The following SEC24D variants were observed in gnomAD, a reference collection of about 807,000 sequenced individuals.
The protein encoded by SEC24D is SEC24 homolog D, COPII component.
In SEC24D, 69 loss-of-function variants were observed where a neutral mutation model predicts 116.9. The ratio of observed to expected loss-of-function variants is 0.59; its 90% CI spans 0.49 to 0.72. SEC24D has a LOEUF of 0.72. SEC24D is among the 30% of genes least tolerant of loss of function. The pLI, the probability that SEC24D is intolerant of heterozygous loss-of-function variation, is 0.00. For missense variants in SEC24D, 1,131 were observed against 1,264.1 expected (o/e 0.89, Z 1.60); for synonymous variants, 405 against 442.8 (o/e 0.91, Z 1.07).
At chr4:118,765,006 GGAGT>G in intron 9 of SEC24D, 89 bp from the exon 10 acceptor site, 1 of 738,952 alleles carries the variant, frequency 1.4e-6, no homozygotes, top group Non-Finnish European at 2.4e-6. Context: ...TGAGAGGAAA[GGAGT>G]TAGTATCTGG....
At position 118,830,632 on chromosome 4, in the gene SEC24D, T is replaced by G. The variant is rs572156134; in HGVS notation, c.118+2947A>C. Among the ~76,000 whole-genome samples the G allele has an allele frequency of 4.0e-5, 6 of 151,898 alleles. No homozygotes were observed. In the South Asian group the frequency reaches 1.2e-3, roughly 32 times the overall value. On this transcript the variant is annotated intron_variant, in intron 2 of 22. Transcript: ENST00000280551. ...ATATATATGTATATATAATTTTTTA[T>G]TTGCCAATTAAAATTTTTTTTTTTA...
chr4:118,826,046 A>G (rs979113006), intron 2 of SEC24D, among the ~76,000 whole-genome samples: 1 of 151,844 alleles, frequency 6.6e-6, no homozygotes, highest in Admixed American at 6.6e-5. Context: ...GGTCTTCATG[A>G]ATAATATTGA....
intron 7 of SEC24D, among the ~76,000 whole-genome samples, chr4:118,803,332 A>C (rs1729532047): frequency 6.6e-6 from 1 of 152,240 alleles, no homozygotes; most frequent in Non-Finnish European, 1.5e-5. Context: ...AGCTATGCAC[A>C]TGCTGTTACT....
intron 9 of SEC24D, among the ~76,000 whole-genome samples, chr4:118,767,290 A>G (rs922645729): frequency 4.6e-5 from 7 of 152,220 alleles, no homozygotes; most frequent in African/African-American, 1.4e-4. Context: ...GAATGTAATG[A>G]TGTAGGAGGA....
chr4:118,833,741 C>T lies in SEC24D; in HGVS notation c.-41-4G>A. ...AGGATAATTCTACAAAAGAAGTCTG[C>T]AACAGAGAAACAAGAAACATGTTAC... is the stretch of plus-strand genomic sequence containing the variant. On this transcript the variant is annotated splice_region_variant and splice_polypyrimidine_tract_variant and intron_variant, in intron 1 of 22. Coordinates refer to ENST00000280551, the MANE Select transcript of SEC24D (RefSeq NM_014822.4). The T allele has an allele frequency of 7.4e-7, 1 of 1,354,682 alleles. No individual in the cohort carries two copies. The highest frequency in any genetic ancestry group is 1.0e-6 in the Non-Finnish European group (1 of 961,464). The allele number at this position is 1,354,682 out of a possible 1,614,324, so 83.9% of individuals were successfully genotyped here. A position where few individuals can be genotyped will look rare whatever the true frequency, so the allele number is the denominator to read the frequency against.
intron 3 of SEC24D, among the ~76,000 whole-genome samples, chr4:118,821,713 A>AT (rs1333975227): frequency 6.6e-6 from 1 of 151,712 alleles, no homozygotes; most frequent in East Asian, 1.9e-4. Context: ...AAGAAGAGTC[A>AT]TATGCCATCT....
At chr4:118,826,606 C>CTT (rs199828904) in intron 2 of SEC24D, among the ~76,000 whole-genome samples, 1 of 146,870 alleles carries the variant, frequency 6.8e-6, no homozygotes, top group African/African-American at 2.5e-5. Flanking sequence ...CGAAAATATT[C>CTT]TTTTTTTTTT....
intron 3 of SEC24D, among the ~76,000 whole-genome samples, chr4:118,823,893 G>A (rs1051372309): frequency 7.9e-5 from 12 of 152,096 alleles, no homozygotes; most frequent in African/African-American, 2.2e-4. Flanking sequence ...ACCCATTGGC[G>A]ACAATCCGAT....
Position 118,744,254 on chromosome 4 carries a change from A to C in SEC24D, c.1825-96T>G, listed in dbSNP as rs936353060. 3.3e-6 allele frequency: 4 copies of C among 1,218,746 alleles called. No individual in the cohort carries two copies. In the African/African-American group the frequency reaches 6.2e-5, roughly 19 times the overall value. 75.5% of individuals were successfully genotyped at this position (1,218,746 alleles called of 1,614,324 possible). On this transcript the variant is annotated intron_variant, in intron 14 of 22. Coordinates refer to ENST00000280551, the MANE Select transcript of SEC24D (RefSeq NM_014822.4). Reference sequence around the variant, plus strand: ...CTATTGAATTCTTATTGAATTTTCAAAATGGAAAAATAGACATTTTCCCGT... The same window carrying C: ...CTATTGAATTCTTATTGAATTTTCACAATGGAAAAATAGACATTTTCCCGT...
chr4:118,809,748 A>T (rs1165853300), intron 6 of SEC24D, among the ~76,000 whole-genome samples: 1 of 152,242 alleles, frequency 6.6e-6, no homozygotes. Context: ...CAAAACCATC[A>T]TGGAGTGGAC....
chr4:118,725,875 C>T (rs1028008195), intron 22 of SEC24D, among the ~76,000 whole-genome samples: 1 of 152,048 alleles, frequency 6.6e-6, no homozygotes, highest in African/African-American at 2.4e-5. Flanking sequence ...CAGTGATGGT[C>T]GTCTCTTCAA....
At chr4:118,785,802 G>C (rs1254307276) in intron 8 of SEC24D, among the ~76,000 whole-genome samples, 1 of 151,996 alleles carries the variant, frequency 6.6e-6, no homozygotes, top group African/African-American at 2.4e-5. Context: ...TTATATAATA[G>C]CTAGAACCAC....
chr4:118,743,895 C>T, intron 15 of SEC24D, 93 bp downstream of exon 15: 1 of 1,133,374 alleles, frequency 8.8e-7, no homozygotes, highest in Non-Finnish European at 1.2e-6. Flanking sequence ...TGTCATCTAC[C>T]CACCAGGGAA....
At chr4:118,747,774 A>C (rs1342189153) in intron 13 of SEC24D, among the ~76,000 whole-genome samples, 2 of 152,284 alleles carry the variant, frequency 1.3e-5, no homozygotes, top group African/African-American at 4.8e-5. Flanking sequence ...AGTAAAGAAC[A>C]TGGGTCCCAC....
chr4:118,762,633 T>C (rs995188903), intron 10 of SEC24D, among the ~76,000 whole-genome samples: 1 of 152,240 alleles, frequency 6.6e-6, no homozygotes, highest in Admixed American at 6.5e-5. Flanking sequence ...GCTTTTTCAT[T>C]GTCTGAATAG....
chr4:118,834,060 T>G (rs1420271473), intron 1 of SEC24D, among the ~76,000 whole-genome samples: 1 of 152,254 alleles, frequency 6.6e-6, no homozygotes, highest in African/African-American at 2.4e-5. Flanking sequence ...TATGATTTTG[T>G]GCTTTTGGTT....
intron 15 of SEC24D, among the ~76,000 whole-genome samples, chr4:118,743,523 G>C (rs1006815393): frequency 1.7e-4 from 26 of 152,032 alleles, no homozygotes; most frequent in African/African-American, 6.0e-4. Flanking sequence ...TCACCTGTAG[G>C]TTACTTATTT....
chr4:118,741,969 G>A (rs1467952305), intron 15 of SEC24D, among the ~76,000 whole-genome samples: 4 of 152,144 alleles, frequency 2.6e-5, no homozygotes. Context: ...CTGAATGGCA[G>A]CATAGGCAAC....
intron 3 of SEC24D, among the ~76,000 whole-genome samples, chr4:118,818,087 T>C (rs1730228293): frequency 6.6e-6 from 1 of 152,158 alleles, no homozygotes; most frequent in African/African-American, 2.4e-5. Flanking sequence ...ACCTTTGATT[T>C]AGCTTGAACT....
Sources: allele counts gnomAD v4.1 joint callset (sites outside exome capture counted in the v4.1 genomes callset), GRCh38; gene constraint gnomAD v4.1.1; transcripts MANE v1.5; gene names NCBI Gene and HGNC (gene_info 2026-07-23, HGNC 2026-07-21).